PARP4: variants seen among roughly 807,000 people sequenced by gnomAD.
PARP4 encodes protein mono-ADP-ribosyltransferase PARP4.
PARP4 carries 120 observed loss-of-function variants against 187.7 expected under a neutral mutation model. That is an observed-to-expected ratio of 0.64 (90% CI 0.55 to 0.74). The LOEUF (loss-of-function observed/expected upper bound fraction) is 0.74. PARP4 is among the 30% of genes least tolerant of loss of function. The probability of loss-of-function intolerance (pLI) is 0.00; values close to 1 mark genes in which losing one functional copy is unlikely to be tolerated. For synonymous variants in PARP4, 654 were observed against 740.9 expected (o/e 0.88, Z 1.90); for missense variants, 1,836 against 2,070.5 (o/e 0.89, Z 2.20).
intron 30 of PARP4, among the ~76,000 whole-genome samples, chr13:24,440,349 G>T (rs1461834206): frequency 7.3e-6 from 1 of 136,498 alleles, no homozygotes; most frequent in Non-Finnish European, 1.5e-5. Flanking sequence ...AGTGAATTGA[G>T]ATCATGCCAC....
intron 11 of PARP4, among the ~76,000 whole-genome samples, chr13:24,485,127 T>C (rs1566013892): frequency 6.6e-6 from 1 of 152,186 alleles, no homozygotes; most frequent in Admixed American, 6.5e-5. Flanking sequence ...AGAAATGAGG[T>C]AAAGGTCCAA....
rs1323173120 is a variant in PARP4, at chr13:24,492,489, G to T, written c.985C>A (p.Pro329Thr). ...KMMTEFYRLI[P>T]HKGTMPKEVN... is the part of the protein sequence containing the mutation. ...TCTTTGGGCATTGTGCCTTTGTGAGGTATCAGTCTGTAAAACTCTGTCATC... is the reference window on the plus strand; with the variant it reads ...TCTTTGGGCATTGTGCCTTTGTGAGTTATCAGTCTGTAAAACTCTGTCATC... The change falls in exon 9 of 34, where the codon CCT becomes ACT. Residue 329 changes from proline to threonine, a missense_variant. Around this residue, in one of 8 missense-constraint regions of PARP4, gnomAD observed 1,147 missense variants for 1,214.2 expected, o/e 0.94. Transcript: ENST00000381989. 4.3e-6 allele frequency: 7 copies of T among 1,613,980 alleles called. No homozygotes were observed. Among genetic ancestry groups the T allele is most frequent in the East Asian group, 2.2e-5 (1 of 44,876 alleles).
At chr13:24,465,332 T>C (rs1042098397) in intron 17 of PARP4, among the ~76,000 whole-genome samples, 4 of 152,188 alleles carry the variant, frequency 2.6e-5, no homozygotes, top group African/African-American at 9.7e-5. Flanking sequence ...TAAAGATACA[T>C]GCATGTGTAT....
intron 9 of PARP4, 39 bp from the exon 10 acceptor site, chr13:24,490,867 CAT>C (rs1491030435): frequency 4.6e-6 from 7 of 1,531,800 alleles, no homozygotes; most frequent in South Asian, 1.2e-5. Flanking sequence ...AGAATCACCA[CAT>C]ATCAAAATTA....
chr13:24,483,241 C>A (rs1377080984), intron 12 of PARP4, among the ~76,000 whole-genome samples: 1 of 151,400 alleles, frequency 6.6e-6, no homozygotes, highest in African/African-American at 2.4e-5. Flanking sequence ...AATCCCAGCA[C>A]TTTGGGAGGC....
At position 24,443,750 on chromosome 13, in the gene PARP4, G is replaced by GA. The variant is rs770397382; in HGVS notation, c.3367-21dup. On this transcript the variant is annotated intron_variant, in intron 27 of 33. Transcript: ENST00000381989. Reference sequence around the variant, plus strand: ...GATCATCTGTGTTTAAGCAGCAAAGGAAAAAAAATATTCACATGGCTTCTA... The same window carrying GA: ...GATCATCTGTGTTTAAGCAGCAAAGGAAAAAAAAATATTCACATGGCTTCTA... 150 of 1,560,254 alleles carry GA rather than the reference G, an allele frequency of 9.6e-5. No individual in the cohort carries two copies. The highest frequency in any genetic ancestry group is 1.2e-4 in the Non-Finnish European group (133 of 1,137,626).
chr13:24,447,910 TA>T (rs1871290546), intron 25 of PARP4, among the ~76,000 whole-genome samples: 1 of 152,136 alleles, frequency 6.6e-6, no homozygotes. Flanking sequence ...TGGCTGTTAT[TA>T]AAAAACAAGT....
At chr13:24,464,176 T>C (rs1328995409) in intron 17 of PARP4, among the ~76,000 whole-genome samples, 1 of 152,228 alleles carries the variant, frequency 6.6e-6, no homozygotes, top group Admixed American at 6.5e-5. Flanking sequence ...AAACATTCCA[T>C]GCTCATGGAT....
At chr13:24,442,416 G>A (rs61947035) in intron 29 of PARP4, among the ~76,000 whole-genome samples, 174 bp downstream of exon 29, 5 of 151,794 alleles carry the variant, frequency 3.3e-5, no homozygotes, top group African/African-American at 1.2e-4. Context: ...TCCCAACACC[G>A]AAGCCCCCCA....
chr13:24,471,856 T>G (rs1031392133), intron 15 of PARP4, among the ~76,000 whole-genome samples: 1 of 152,220 alleles, frequency 6.6e-6, no homozygotes, highest in African/African-American at 2.4e-5. Context: ...GTCCTTTATA[T>G]TTATTAGATT....
chr13:24,434,144 A>G (rs1395551439), intron 31 of PARP4, among the ~76,000 whole-genome samples: 2 of 152,240 alleles, frequency 1.3e-5, no homozygotes, highest in African/African-American at 2.4e-5. Context: ...ATTCACCAGC[A>G]TGAGGTTCTG....
rs192291346 is a variant in PARP4, at chr13:24,430,478, C to T, written c.4846+899G>A. On this transcript the variant is annotated intron_variant, in intron 32 of 33. Transcript: ENST00000381989. ...GACCACACTGGACAACATGGCAAAACCCCATCTCTACCAAAAAATACAAAA... is the reference window on the plus strand; with the variant it reads ...GACCACACTGGACAACATGGCAAAATCCCATCTCTACCAAAAAATACAAAA... 2.3e-3 allele frequency among the ~76,000 whole-genome samples: 350 copies of T among 152,094 alleles called. 3 individuals are homozygous for T. Among genetic ancestry groups the T allele is most frequent in the African/African-American group, 7.6e-3 (316 of 41,474 alleles).
chr13:24,460,441 C>T (rs1035372142), intron 17 of PARP4, among the ~76,000 whole-genome samples: 70 of 149,242 alleles, frequency 4.7e-4, no homozygotes, highest in South Asian at 1.7e-3. Context: ...TCTCTGCACA[C>T]GTGGGCTCTG....
intron 23 of PARP4, 104 bp from the exon 24 acceptor site, chr13:24,452,697 C>T (rs985382074): frequency 1.3e-5 from 11 of 823,514 alleles, no homozygotes; most frequent in African/African-American, 1.7e-5. Context: ...ATGGTGACAC[C>T]GAAAATATTT....
intron 22 of PARP4, among the ~76,000 whole-genome samples, chr13:24,453,857 G>A (rs533737778): frequency 6.6e-6 from 1 of 152,190 alleles, no homozygotes; most frequent in African/African-American, 2.4e-5. Flanking sequence ...GCTCATGCCT[G>A]TAATCCCAGC....
chr13:24,449,642 T>C lies in PARP4; in HGVS notation c.3114+76A>G, dbSNP rs907073299. The C allele has an allele frequency of 3.6e-6, 3 of 844,044 alleles. No individual in the cohort carries two copies. In the East Asian group the frequency reaches 7.8e-5, roughly 22 times the overall value. The allele number at this position is 844,044 out of a possible 1,614,324, so 52.3% of individuals were successfully genotyped here. A position where few individuals can be genotyped will look rare whatever the true frequency, so the allele number is the denominator to read the frequency against. ...CCCCTCTCATTCAAGGAAACACAGATATTCCTATTTCTTAGTCTCGGAAGA... is the reference window on the plus strand; with the variant it reads ...CCCCTCTCATTCAAGGAAACACAGACATTCCTATTTCTTAGTCTCGGAAGA... On this transcript the variant is annotated intron_variant, in intron 25 of 33. Transcript: ENST00000381989.
chr13:24,493,218 G>A (rs1351009770), intron 8 of PARP4, among the ~76,000 whole-genome samples: 1 of 152,180 alleles, frequency 6.6e-6, no homozygotes, highest in Non-Finnish European at 1.5e-5. Flanking sequence ...AAGACAGAAG[G>A]TGCAAGACTG....
intron 12 of PARP4, among the ~76,000 whole-genome samples, chr13:24,479,566 C>T (rs1000083778): frequency 3.9e-5 from 6 of 152,220 alleles, no homozygotes; most frequent in African/African-American, 1.2e-4. Flanking sequence ...TCTAGCTACT[C>T]TGGTGGGGCC....
intron 2 of PARP4, among the ~76,000 whole-genome samples, chr13:24,502,917 C>T (rs1031270317): frequency 9.9e-5 from 15 of 152,164 alleles, no homozygotes; most frequent in African/African-American, 3.6e-4. Context: ...ATGGCCAAGC[C>T]CCAGGGCTGA....
Sources: gnomAD v4.1 joint callset for allele counts (sites outside exome capture counted in the v4.1 genomes callset) on GRCh38, gnomAD v4.1.1 for gene constraint, gnomAD v4.1.1 regional missense constraint, MANE v1.5 for transcripts, NCBI Gene and HGNC (gene_info 2026-07-23, HGNC 2026-07-21) for gene names.